LRRC4C: variants seen among roughly 807,000 people sequenced by gnomAD.
LRRC4C encodes leucine-rich repeat-containing protein 4C.
In LRRC4C, 5 loss-of-function variants were observed where a neutral mutation model predicts 33.6. That is an observed-to-expected ratio of 0.15 (90% CI 0.08 to 0.31). The LOEUF is 0.31. Ranked by LOEUF, LRRC4C falls within the 10% of genes least tolerant of loss-of-function variation. The pLI is 1.00. For synonymous variants in LRRC4C, 329 were observed against 302.0 expected (o/e 1.09, Z -0.93); for missense variants, 560 against 796.7 (o/e 0.70, Z 3.58).
At chr11:40,697,742 TG>T (rs1218254750) in intron 2 of LRRC4C, among the ~76,000 whole-genome samples, 1 of 152,166 alleles carries the variant, frequency 6.6e-6, no homozygotes, top group Non-Finnish European at 1.5e-5. Context: ...CTGCTATTTT[TG>T]ACCTTAGTTT....
At chr11:40,374,442 TCTTA>T (rs1470298310) in intron 3 of LRRC4C, among the ~76,000 whole-genome samples, 3 of 152,220 alleles carry the variant, frequency 2.0e-5, no homozygotes, top group Non-Finnish European at 1.5e-5. Context: ...ATTTATAATT[TCTTA>T]CTGAGTTTGA....
intron 1 of LRRC4C, among the ~76,000 whole-genome samples, chr11:41,208,360 A>C (rs930516991): frequency 7.2e-5 from 11 of 152,242 alleles, no homozygotes; most frequent in African/African-American, 2.7e-4. Context: ...AGATTGAAGA[A>C]GTTATTTAGC....
At chr11:41,220,154 A>G (rs1209712392) in intron 1 of LRRC4C, among the ~76,000 whole-genome samples, 1 of 152,182 alleles carries the variant, frequency 6.6e-6, no homozygotes, top group Non-Finnish European at 1.5e-5. Context: ...AGACAGGAAT[A>G]ATAGTAATAA....
At chr11:40,198,894 T>C (rs116331971) in intron 5 of LRRC4C, among the ~76,000 whole-genome samples, 5 of 152,154 alleles carry the variant, frequency 3.3e-5, no homozygotes, top group African/African-American at 4.8e-5. Flanking sequence ...TCTCTAGAAG[T>C]TCCCCCCAGA....
intron 4 of LRRC4C, among the ~76,000 whole-genome samples, chr11:40,305,406 G>A (rs1409987594): frequency 5.3e-5 from 8 of 152,180 alleles, no homozygotes. Context: ...CACAAAGCAA[G>A]TGCAGGATTC....
intron 5 of LRRC4C, among the ~76,000 whole-genome samples, chr11:40,207,225 G>A (rs1028724188): frequency 1.5e-4 from 23 of 152,302 alleles, no homozygotes; most frequent in Non-Finnish European, 3.1e-4. Flanking sequence ...AGAATAAGAA[G>A]TTTGGGTGAC....
intron 1 of LRRC4C, among the ~76,000 whole-genome samples, chr11:41,207,747 C>T (rs190674871): frequency 2.0e-3 from 309 of 152,344 alleles, no homozygotes; most frequent in African/African-American, 7.0e-3. Context: ...TGATCTTGGA[C>T]TTCCAGCTTT....
intron 3 of LRRC4C, among the ~76,000 whole-genome samples, chr11:40,401,002 C>T (rs999132429): frequency 1.3e-5 from 2 of 152,086 alleles, no homozygotes; most frequent in Non-Finnish European, 2.9e-5. Flanking sequence ...AGAATGTCTG[C>T]ACAGAGTAAA....
In LRRC4C at chr11:41,153,495, A is replaced by G. The variant is rs116413062; in HGVS notation, c.-495-219772T>C. ...AAACTACGAGTAACCTCAAATATTA[A>G]GTACAATGTTGAATATATGAGGGTT... On this transcript the variant is annotated intron_variant, in intron 1 of 6. Transcript: ENST00000528697. Among the ~76,000 whole-genome samples, 943 of 152,310 alleles carry G rather than the reference A, an allele frequency of 6.2e-3. 15 individuals carry two copies. Among genetic ancestry groups the G allele is most frequent in the African/African-American group, 0.022 (895 of 41,578 alleles).
chr11:40,304,750 GA>G (rs1944944795), intron 4 of LRRC4C, among the ~76,000 whole-genome samples: 1 of 93,058 alleles, frequency 1.1e-5, no homozygotes, highest in South Asian at 3.2e-4. Flanking sequence ...TTTTTTTTTT[GA>G]GACAGAGTCT....
chr11:41,275,686 G>A (rs1949461670), intron 1 of LRRC4C, among the ~76,000 whole-genome samples: 1 of 152,172 alleles, frequency 6.6e-6, no homozygotes, highest in Admixed American at 6.6e-5. Flanking sequence ...ATAATAGAAG[G>A]ATGCTCACTG....
At chr11:40,874,714 T>A (rs1954804475) in intron 2 of LRRC4C, among the ~76,000 whole-genome samples, 1 of 152,188 alleles carries the variant, frequency 6.6e-6, no homozygotes, top group African/African-American at 2.4e-5. Flanking sequence ...AAAGTACAAA[T>A]ACACAGATTT....
At chr11:40,778,576 A>T (rs1304297319) in intron 2 of LRRC4C, among the ~76,000 whole-genome samples, 2 of 152,168 alleles carry the variant, frequency 1.3e-5, no homozygotes, top group African/African-American at 2.4e-5. Flanking sequence ...GGAGAAAGTG[A>T]GCTAGGGCAA....
chr11:40,211,522 A>G (rs1034982236), intron 5 of LRRC4C, among the ~76,000 whole-genome samples: 1 of 152,238 alleles, frequency 6.6e-6, no homozygotes, highest in African/African-American at 2.4e-5. Context: ...GAAAATCATC[A>G]AAGTACAGAA....
chr11:41,022,142 T>TATATA (rs1565309607), intron 1 of LRRC4C, among the ~76,000 whole-genome samples: 17 of 139,080 alleles, frequency 1.2e-4, no homozygotes, highest in Non-Finnish European at 1.5e-4. Context: ...CAATTTTGTT[T>TATATA]TATATATATA....
chr11:40,802,201 C>T (rs1376526178), intron 2 of LRRC4C, among the ~76,000 whole-genome samples: 1 of 152,172 alleles, frequency 6.6e-6, no homozygotes, highest in Admixed American at 6.6e-5. Flanking sequence ...CTCCTGCACA[C>T]ATTAGGAGAT....
At chr11:41,286,724 A>G (rs149086914) in intron 1 of LRRC4C, among the ~76,000 whole-genome samples, 4 of 151,130 alleles carry the variant, frequency 2.6e-5, no homozygotes, top group African/African-American at 9.7e-5. Context: ...TAGAATTGAC[A>G]TTTACTCTTT....
chr11:40,578,848 A>AT lies in LRRC4C; in HGVS notation c.-270+69293dup, dbSNP rs541001162. Reference sequence around the variant, plus strand: ...ACCAAAGATTTGTGTCTGTTTATTTATTTTTTTATTGCAGAATTTCTAGCA... The same window carrying AT: ...ACCAAAGATTTGTGTCTGTTTATTTATTTTTTTTATTGCAGAATTTCTAGCA... On this transcript the variant is annotated intron_variant, in intron 3 of 6. Coordinates refer to ENST00000528697, the MANE Select transcript of LRRC4C (RefSeq NM_001258419.2). Among the ~76,000 whole-genome samples the AT allele has an allele frequency of 4.2e-3, 644 of 152,256 alleles. 3 individuals are homozygous for AT. Among genetic ancestry groups the AT allele is most frequent in the Non-Finnish European group, 6.0e-3 (406 of 68,004 alleles).
chr11:40,584,177 C>CATAT (rs371413523), intron 3 of LRRC4C, among the ~76,000 whole-genome samples: 4,276 of 71,140 alleles, frequency 0.06, 549 homozygotes, highest in East Asian at 0.085. Context: ...ACGCACACTT[C>CATAT]ATATATATAT....
Sources: allele counts gnomAD v4.1 joint callset (sites outside exome capture counted in the v4.1 genomes callset), GRCh38; gene constraint gnomAD v4.1.1; transcripts MANE v1.5; gene names NCBI Gene and HGNC (gene_info 2026-07-23, HGNC 2026-07-21).